Variants in RAPGEF5 observed in about 807,000 individuals in gnomAD.
RAPGEF5 encodes the protein M-Ras-regulated GEF.
In RAPGEF5, 65 loss-of-function variants were observed where a neutral mutation model predicts 125.2. The observed-to-expected ratio is 0.52, with a 90% CI of 0.43 to 0.64. The LOEUF (loss-of-function observed/expected upper bound fraction) is 0.64, where lower values mean the gene tolerates loss of function less well. RAPGEF5 is among the 30% of genes least tolerant of loss of function. The pLI is 0.00. For synonymous variants in RAPGEF5, 391 were observed against 385.9 expected (o/e 1.01, Z -0.16); for missense variants, 958 against 1,048.1 (o/e 0.91, Z 1.19).
In RAPGEF5 at chr7:22,266,948, A is replaced by T. The variant is rs760535579; in HGVS notation, c.796+16T>A. On this transcript the variant is annotated intron_variant, in intron 7 of 25. Transcript: ENST00000665637. ...AGAATTAGAATCTTCCTCCAGCCCC[A>T]TAAAAGATGACTTACCAGACTTCCT... 1 of 1,599,402 alleles carries T rather than the reference A, an allele frequency of 6.3e-7. No homozygotes were observed. Among genetic ancestry groups the T allele is most frequent in the Non-Finnish European group, 8.6e-7 (1 of 1,167,026 alleles).
Position 22,291,933 on chromosome 7 carries a change from T to C in RAPGEF5, c.681-692A>G, listed in dbSNP as rs1213158642. ...AAAAGACTTCACCAAATGTATATTC[T>C]AACAGACAAAATTATCTACTTCTTA... On this transcript the variant is annotated intron_variant, in intron 5 of 25. Coordinates refer to ENST00000665637, the MANE Select transcript of RAPGEF5 (RefSeq NM_012294.5). Among the ~76,000 whole-genome samples, 6 of 152,266 alleles carry C rather than the reference T, an allele frequency of 3.9e-5. No homozygotes were observed. In the South Asian group the frequency reaches 1.2e-3, roughly 32 times the overall value.
At chr7:22,331,595 A>G (rs1783918729) in intron 1 of RAPGEF5, among the ~76,000 whole-genome samples, 1 of 152,052 alleles carries the variant, frequency 6.6e-6, no homozygotes, top group African/African-American at 2.4e-5. Context: ...AATACAAAAA[A>G]TCAGCCAGGC....
chr7:22,247,009 A>C (rs1008123227), intron 7 of RAPGEF5, among the ~76,000 whole-genome samples: 1 of 152,252 alleles, frequency 6.6e-6, no homozygotes, highest in Non-Finnish European at 1.5e-5. Context: ...CAAGAAATGT[A>C]AATCAAAACT....
intron 1 of RAPGEF5, among the ~76,000 whole-genome samples, chr7:22,353,691 AG>A (rs887655685): frequency 2.0e-4 from 30 of 152,324 alleles, no homozygotes; most frequent in African/African-American, 6.3e-4. Flanking sequence ...TTTAAGAGGT[AG>A]TTAGGGCCCT....
intron 13 of RAPGEF5, among the ~76,000 whole-genome samples, chr7:22,161,904 A>G (rs1784013472): frequency 6.6e-6 from 1 of 152,230 alleles, no homozygotes; most frequent in Admixed American, 6.5e-5. Context: ...TCTGTGTTGA[A>G]AAGATATTGA....
At chr7:22,334,956 G>A (rs551059440) in intron 1 of RAPGEF5, among the ~76,000 whole-genome samples, 1 of 152,294 alleles carries the variant, frequency 6.6e-6, no homozygotes, top group Non-Finnish European at 1.5e-5. Flanking sequence ...CATCCTTCCA[G>A]TAATTTCAGA....
chr7:22,313,970 C>T (rs1426993119), intron 3 of RAPGEF5, among the ~76,000 whole-genome samples: 2 of 152,160 alleles, frequency 1.3e-5, no homozygotes, highest in East Asian at 1.9e-4. Flanking sequence ...GGGAGGAAAA[C>T]AGCAGATCTT....
chr7:22,352,513 C>T (rs537338229), intron 1 of RAPGEF5, among the ~76,000 whole-genome samples: 1 of 152,072 alleles, frequency 6.6e-6, no homozygotes, highest in East Asian at 1.9e-4. Context: ...GAATATCTTG[C>T]GTCAGAAAAG....
chr7:22,165,028 T>C (rs578135311), intron 12 of RAPGEF5, among the ~76,000 whole-genome samples: 1 of 152,300 alleles, frequency 6.6e-6, no homozygotes, highest in East Asian at 1.9e-4. Flanking sequence ...TCACATTAAA[T>C]ATAGATTCCC....
intron 7 of RAPGEF5, among the ~76,000 whole-genome samples, chr7:22,235,913 A>C (rs78927538): frequency 0.01 from 1,535 of 151,856 alleles, 31 homozygotes; most frequent in African/African-American, 0.035. Flanking sequence ...AAAAAGGAAG[A>C]AAAAAGGTAA....
At chr7:22,356,006 G>A (rs1784413498) in intron 1 of RAPGEF5, 1 of 985,424 alleles carries the variant, frequency 1.0e-6, no homozygotes, top group African/African-American at 1.7e-5. Flanking sequence ...CTGGTGAGCA[G>A]GGAAATCTGA....
chr7:22,200,035 A>C (rs1785242036), intron 9 of RAPGEF5, among the ~76,000 whole-genome samples: 1 of 152,220 alleles, frequency 6.6e-6, no homozygotes, highest in Non-Finnish European at 1.5e-5. Flanking sequence ...AGAAGCCCAA[A>C]GTGTTGGCTC....
intron 25 of RAPGEF5, chr7:22,125,365 T>C (rs1202048679): frequency 2.3e-6 from 1 of 430,052 alleles, no homozygotes; most frequent in Non-Finnish European, 4.3e-6. Context: ...AAGTCACTCT[T>C]CACAGCATAA....
At chr7:22,347,829 T>G (rs1469781992) in intron 1 of RAPGEF5, among the ~76,000 whole-genome samples, 2 of 152,246 alleles carry the variant, frequency 1.3e-5, no homozygotes, top group Non-Finnish European at 2.9e-5. Context: ...CAACCTGATA[T>G]GATAAATGTT....
intron 6 of RAPGEF5, among the ~76,000 whole-genome samples, chr7:22,283,069 A>ACACACG (rs537134890): frequency 4.6e-5 from 7 of 151,662 alleles, no homozygotes; most frequent in African/African-American, 1.5e-4. Context: ...ACACACACAC[A>ACACACG]CGCATGAAAA....
At chr7:22,262,580 A>G (rs1782183398) in intron 7 of RAPGEF5, among the ~76,000 whole-genome samples, 2 of 152,210 alleles carry the variant, frequency 1.3e-5, no homozygotes, top group African/African-American at 4.8e-5. Flanking sequence ...CTGAGTATTT[A>G]TTCCAGAGAA....
At chr7:22,275,906 C>T (rs1380436176) in intron 6 of RAPGEF5, among the ~76,000 whole-genome samples, 1 of 152,144 alleles carries the variant, frequency 6.6e-6, no homozygotes. Flanking sequence ...GTACAAACAA[C>T]AGAAGAAACT....
chr7:22,299,775 C>A (rs1166497762), intron 5 of RAPGEF5, among the ~76,000 whole-genome samples: 1 of 152,040 alleles, frequency 6.6e-6, no homozygotes, highest in African/African-American at 2.4e-5. Flanking sequence ...TCTTTCTCCC[C>A]CCTCCACCCT....
chr7:22,294,184 A>G (rs1243476827), intron 5 of RAPGEF5, among the ~76,000 whole-genome samples: 1 of 152,210 alleles, frequency 6.6e-6, no homozygotes, highest in Non-Finnish European at 1.5e-5. Flanking sequence ...GAGAAAGAAA[A>G]TAAAGAAACT....
Sources: gnomAD v4.1 joint callset for allele counts (sites outside exome capture counted in the v4.1 genomes callset) on GRCh38, gnomAD v4.1.1 for gene constraint, MANE v1.5 for transcripts, NCBI Gene and HGNC (gene_info 2026-07-23, HGNC 2026-07-21) for gene names.